Variants in THRAP3 observed in about 807,000 individuals in gnomAD.
The protein encoded by THRAP3 is thyroid hormone receptor associated protein 3, also known as thyroid hormone receptor-associated protein 3.
A neutral mutation model predicts 101.0 loss-of-function variants in THRAP3; 16 were observed. The observed-to-expected ratio is 0.16, with a 90% confidence interval of 0.11 to 0.24. THRAP3 has a LOEUF of 0.24. Ranked by LOEUF, THRAP3 falls within the 10% of genes least tolerant of loss-of-function variation. The pLI, the probability that THRAP3 is intolerant of heterozygous loss-of-function variation, is 1.00. For missense variants in THRAP3, 989 were observed against 1,202.7 expected (o/e 0.82, Z 2.63); for synonymous variants, 407 against 422.6 (o/e 0.96, Z 0.45).
intron 1 of THRAP3, among the ~76,000 whole-genome samples, chr1:36,239,097 C>A (rs1418366475): frequency 1.3e-5 from 2 of 151,512 alleles, no homozygotes; most frequent in Admixed American, 1.3e-4. Flanking sequence ...CCACACCCGG[C>A]TAATTTTTTT....
the THRAP3 span, among the ~76,000 whole-genome samples, chr1:36,218,844 C>A: frequency 6.6e-6 from 1 of 151,928 alleles, no homozygotes; most frequent in Non-Finnish European, 1.5e-5. Flanking sequence ...ACCAGCCTGG[C>A]CAAGATGGTG....
chr1:36,267,917 C>T lies in THRAP3; in HGVS notation c.-32+8433C>T, dbSNP rs142384321. Among the ~76,000 whole-genome samples, 2 of 32,484 alleles carry T rather than the reference C, an allele frequency of 6.2e-5. 1 individual carries two copies. Among genetic ancestry groups the T allele is most frequent in the African/African-American group, 1.1e-4 (2 of 17,824 alleles). The allele number at this position is 32,484 out of a possible 152,430, so 21.3% of individuals were successfully genotyped here. On this transcript the variant is annotated intron_variant, in intron 2 of 11. Transcript: ENST00000354618. Reference sequence around the variant, plus strand: ...ACCCTAGGCCGGGCACGGTGACTCACGCCTGTAATCCTAGTACTTTGGGAG... The same window carrying T: ...ACCCTAGGCCGGGCACGGTGACTCATGCCTGTAATCCTAGTACTTTGGGAG...
At chr1:36,288,962 T>A in intron 4 of THRAP3, 98 bp from the exon 5 acceptor site, 1 of 1,390,198 alleles carries the variant, frequency 7.2e-7, no homozygotes, top group South Asian at 1.9e-5. Context: ...TAAGACATGT[T>A]TTTTTCAGAG....
chr1:36,220,071 T>C (rs774625467), upstream of THRAP3, among the ~76,000 whole-genome samples: 6 of 152,146 alleles, frequency 3.9e-5, no homozygotes, highest in Non-Finnish European at 7.4e-5. Flanking sequence ...CTTGGCTCAC[T>C]GCAACCTTCA....
intron 1 of THRAP3, among the ~76,000 whole-genome samples, chr1:36,245,863 C>T (rs1232456572): frequency 1.3e-5 from 2 of 152,112 alleles, no homozygotes; most frequent in South Asian, 2.1e-4. Flanking sequence ...ACCAAAATCA[C>T]GTATTTTTCA....
At chr1:36,255,782 AAAAG>A (rs1390982474) in intron 1 of THRAP3, among the ~76,000 whole-genome samples, 3 of 150,982 alleles carry the variant, frequency 2.0e-5, no homozygotes, top group Admixed American at 6.6e-5. Context: ...CAAAAAAAAA[AAAAG>A]AAAAGAAAGA....
chr1:36,274,226 A>C (rs757249478), intron 2 of THRAP3, among the ~76,000 whole-genome samples: 39 of 152,198 alleles, frequency 2.6e-4, no homozygotes, highest in Non-Finnish European at 4.6e-4. Context: ...TAATATATTT[A>C]GGAATAAATT....
At chr1:36,220,978 T>A (rs34141280), upstream of THRAP3, among the ~76,000 whole-genome samples, 2,494 of 114,212 alleles carry the variant, frequency 0.022, 113 homozygotes, top group African/African-American at 0.085. Context: ...AAAAAATATA[T>A]ATATATATAT....
intron 2 of THRAP3, among the ~76,000 whole-genome samples, chr1:36,261,803 A>G (rs1645449496): frequency 6.6e-6 from 1 of 152,170 alleles, no homozygotes; most frequent in Non-Finnish European, 1.5e-5. Context: ...AAATGGTAGT[A>G]GATCTTTAAA....
intron 2 of THRAP3, among the ~76,000 whole-genome samples, chr1:36,279,295 A>G (rs1041346642): frequency 6.6e-6 from 1 of 152,160 alleles, no homozygotes; most frequent in Admixed American, 6.6e-5. Flanking sequence ...GACCCAAGTT[A>G]AAATAGAATG....
In THRAP3 at chr1:36,300,921, C is replaced by G. The variant is rs962867112; in HGVS notation, c.2339C>G (p.Ser780Cys). ...AGAGCAAGAGACAGGTCCAGATCCTCCTCCTCTTCCTCCCAGTCATCTCAC... is the reference window on the plus strand; with the variant it reads ...AGAGCAAGAGACAGGTCCAGATCCTGCTCCTCTTCCTCCCAGTCATCTCAC... ...HRRARDRSRS[S>C]SSSSQSSHSY... Residue 780 changes from serine (S) to cysteine (C), a missense_variant, in exon 10 of 12, where the codon TCC (serine) becomes TGC (cysteine). By Grantham distance (112) the Ser-to-Cys change is moderately radical. Transcript: ENST00000354618. 2 of 1,613,852 alleles carry G rather than the reference C, an allele frequency of 1.2e-6. No individual in the cohort carries two copies. Among genetic ancestry groups the G allele is most frequent in the Non-Finnish European group, 1.7e-6 (2 of 1,179,960 alleles).
Position 36,296,614 on chromosome 1 carries a change from A to C in THRAP3, c.2147A>C (p.Asp716Ala). The change falls in exon 9 of 12, where the codon GAT (aspartate) becomes GCT (alanine). Residue 716 changes from aspartate (D) to alanine (A), a missense_variant. Physicochemically the swap from Asp to Ala is moderately radical, Grantham distance 126. Transcript: ENST00000354618. ...GGAAAATACAAAGATGATCCTGTTGATCTCCGCCTTGATATTGAACGTCGT... is the reference window on the plus strand; with the variant it reads ...GGAAAATACAAAGATGATCCTGTTGCTCTCCGCCTTGATATTGAACGTCGT... ...AEGKYKDDPV[D>A]LRLDIERRKK... 6.3e-7 allele frequency: 1 copy of C among 1,581,776 alleles called. No homozygotes were observed. Among genetic ancestry groups the C allele is most frequent in the Non-Finnish European group, 8.5e-7 (1 of 1,170,438 alleles).
chr1:36,240,640 C>T (rs1488020113), intron 1 of THRAP3, among the ~76,000 whole-genome samples: 2 of 152,172 alleles, frequency 1.3e-5, no homozygotes, highest in African/African-American at 4.8e-5. Context: ...ATTCCTCTGT[C>T]CAGTCAAGTT....
chr1:36,210,383 GA>G, the THRAP3 span, among the ~76,000 whole-genome samples: 2 of 140,902 alleles, frequency 1.4e-5, no homozygotes, highest in Non-Finnish European at 3.1e-5. Flanking sequence ...AAAAAAAAAA[GA>G]AAAAAATTAT....
intron 1 of THRAP3, among the ~76,000 whole-genome samples, chr1:36,228,042 C>CTTT (rs1158538167): frequency 1.8e-5 from 2 of 110,456 alleles, no homozygotes; most frequent in South Asian, 3.0e-4. Context: ...CACGTGGCCT[C>CTTT]TTTTTTTTTT....
At chr1:36,221,646 C>T (rs957552960), upstream of THRAP3, among the ~76,000 whole-genome samples, 10 of 152,094 alleles carry the variant, frequency 6.6e-5, no homozygotes, top group African/African-American at 1.4e-4. Flanking sequence ...TGCAATGGCG[C>T]GATCTAAGCT....
chr1:36,240,021 T>A (rs577894998), intron 1 of THRAP3, among the ~76,000 whole-genome samples: 1 of 152,336 alleles, frequency 6.6e-6, no homozygotes. Context: ...ACACAAAGAA[T>A]ATAAATATTT....
At chr1:36,282,728 G>A (rs756333746) in intron 3 of THRAP3, 28 bp downstream of exon 3, 17 of 1,612,398 alleles carry the variant, frequency 1.1e-5, no homozygotes, top group Middle Eastern at 3.3e-4. Context: ...TGTATATTGA[G>A]ATAATCATTG....
chr1:36,291,094 T>C (rs1201357966), intron 5 of THRAP3, among the ~76,000 whole-genome samples: 2 of 152,208 alleles, frequency 1.3e-5, no homozygotes, highest in East Asian at 1.9e-4. Context: ...AGCTGTAGTT[T>C]ATCTTTTAAA....
Sources: allele counts gnomAD v4.1 joint callset (sites outside exome capture counted in the v4.1 genomes callset), GRCh38; gene constraint gnomAD v4.1.1; transcripts MANE v1.5; gene names NCBI Gene and HGNC (gene_info 2026-07-23, HGNC 2026-07-21).